The following HPSE2 variants were observed in gnomAD, a reference collection of about 807,000 sequenced individuals.
HPSE2 encodes the protein inactive heparanase-2.
HPSE2 carries 38 observed loss-of-function variants against 60.5 expected under a neutral mutation model. The observed-to-expected ratio is 0.63, with a 90% CI of 0.48 to 0.82. HPSE2 has a LOEUF of 0.82. Among genes scored for constraint, HPSE2 ranks in the 40% least tolerant of loss-of-function variants. The pLI is 0.00. For missense variants in HPSE2, 713 were observed against 740.4 expected (o/e 0.96, Z 0.43); for synonymous variants, 295 against 293.2 (o/e 1.01, Z -0.06).
chr10:98,729,295 G>A (rs1461480962), intron 4 of HPSE2, among the ~76,000 whole-genome samples: 3 of 152,042 alleles, frequency 2.0e-5, no homozygotes, highest in African/African-American at 7.2e-5. Context: ...CAGATTGAAG[G>A]TAAAATTTTT....
intron 3 of HPSE2, among the ~76,000 whole-genome samples, chr10:98,995,624 C>G (rs759168792): frequency 3.3e-5 from 5 of 152,066 alleles, no homozygotes; most frequent in Non-Finnish European, 5.9e-5. Context: ...ATTCTATTCA[C>G]TTCTACTTAT....
the HPSE2 span, among the ~76,000 whole-genome samples, chr10:99,290,731 C>A: frequency 6.6e-6 from 1 of 152,154 alleles, no homozygotes; most frequent in Admixed American, 6.5e-5. Flanking sequence ...ACAACAATTT[C>A]TCCAAGCCTC....
chr10:98,840,490 G>C (rs1324436098), intron 3 of HPSE2, among the ~76,000 whole-genome samples: 2 of 152,194 alleles, frequency 1.3e-5, no homozygotes, highest in Non-Finnish European at 2.9e-5. Context: ...TATTGCAGAA[G>C]AGAGATAATA....
intron 2 of HPSE2, among the ~76,000 whole-genome samples, chr10:99,205,221 G>A (rs1251057012): frequency 3.3e-5 from 5 of 152,138 alleles, no homozygotes; most frequent in South Asian, 4.2e-4. Context: ...AAAGAAGCAC[G>A]TGTAGCTCCC....
chr10:99,218,479 T>C (rs1849209186), intron 2 of HPSE2, among the ~76,000 whole-genome samples: 1 of 152,128 alleles, frequency 6.6e-6, no homozygotes, highest in African/African-American at 2.4e-5. Context: ...TTTCAATCGT[T>C]CTGTTCCACA....
At chr10:98,789,555 T>C (rs1168119673) in intron 3 of HPSE2, among the ~76,000 whole-genome samples, 1 of 152,208 alleles carries the variant, frequency 6.6e-6, no homozygotes, top group Admixed American at 6.5e-5. Context: ...TGTCCTGAAA[T>C]AGACCCAAAT....
chr10:98,789,562 A>T (rs1434213534), intron 3 of HPSE2, among the ~76,000 whole-genome samples: 4 of 152,220 alleles, frequency 2.6e-5, no homozygotes, highest in African/African-American at 9.6e-5. Flanking sequence ...AAATAGACCC[A>T]AATAGTTGGA....
intron 9 of HPSE2, among the ~76,000 whole-genome samples, chr10:98,570,291 A>C (rs1589436007): frequency 6.6e-6 from 1 of 152,088 alleles, no homozygotes. Context: ...TCCTCCTGCT[A>C]TCTGCATGGC....
chr10:98,501,126 T>C lies in HPSE2; in HGVS notation c.1321-10930A>G, dbSNP rs1283091101. ...AGAATTCTACCAGACACTCAAAGAA[T>C]TGGTACCAATTCTTTTGACACTATT... On this transcript the variant is annotated intron_variant, in intron 9 of 11. Coordinates refer to ENST00000370552, the MANE Select transcript of HPSE2 (RefSeq NM_021828.5). Among the ~76,000 whole-genome samples the C allele has an allele frequency of 2.6e-5, 4 of 151,672 alleles. No homozygotes were observed. In the East Asian group the frequency reaches 7.7e-4, roughly 29 times the overall value.
chr10:98,997,419 A>C (rs949077906), intron 3 of HPSE2, among the ~76,000 whole-genome samples: 1 of 152,026 alleles, frequency 6.6e-6, no homozygotes, highest in Non-Finnish European at 1.5e-5. Flanking sequence ...CCCAGCCAAA[A>C]CAGACCTTTC....
At chr10:98,485,733 G>T (rs1280443917) in intron 10 of HPSE2, among the ~76,000 whole-genome samples, 1 of 152,142 alleles carries the variant, frequency 6.6e-6, no homozygotes, top group Non-Finnish European at 1.5e-5. Flanking sequence ...CATGTGGATG[G>T]GTATCAATTT....
chr10:98,713,967 C>T, intron 5 of HPSE2, among the ~76,000 whole-genome samples: 1 of 151,760 alleles, frequency 6.6e-6, no homozygotes, highest in East Asian at 1.9e-4. Context: ...CCATTTCTAC[C>T]TTCTATTTCT....
chr10:99,224,695 G>A (rs1394420851), intron 2 of HPSE2, among the ~76,000 whole-genome samples: 6 of 152,036 alleles, frequency 3.9e-5, no homozygotes, highest in African/African-American at 7.2e-5. Flanking sequence ...TAGGGATTGC[G>A]AGACCAGGAG....
chr10:98,640,463 A>G lies in HPSE2; in HGVS notation c.1098+1384T>C, dbSNP rs1183927439. Among the ~76,000 whole-genome samples, 5 of 152,328 alleles carry G rather than the reference A, an allele frequency of 3.3e-5. No individual in the cohort carries two copies. The East Asian group carries it at 9.7e-4, about 29-fold the overall frequency. ...CTATCAAACTCTTGAGAACAAGAGA[A>G]TTCCAGAGGCTGTTTATAATCTGAG... is the stretch of plus-strand genomic sequence containing the variant. On this transcript the variant is annotated intron_variant, in intron 7 of 11. Transcript: ENST00000370552.
At chr10:99,176,827 A>G (rs914638198) in intron 2 of HPSE2, among the ~76,000 whole-genome samples, 53 of 152,124 alleles carry the variant, frequency 3.5e-4, no homozygotes, top group African/African-American at 1.3e-3. Flanking sequence ...GATCAGATTC[A>G]CCAAGGTTGA....
chr10:98,981,059 T>C (rs1383683258), intron 3 of HPSE2, among the ~76,000 whole-genome samples: 2 of 152,120 alleles, frequency 1.3e-5, no homozygotes, highest in Non-Finnish European at 2.9e-5. Flanking sequence ...ATGGCAACGT[T>C]CCAACATATT....
intron 9 of HPSE2, among the ~76,000 whole-genome samples, chr10:98,588,923 G>A (rs957897921): frequency 2.6e-5 from 4 of 152,110 alleles, no homozygotes; most frequent in African/African-American, 9.7e-5. Context: ...AAAATTACCA[G>A]AAAGAAAAAA....
At chr10:98,959,580 TGA>T (rs1171096707) in intron 3 of HPSE2, among the ~76,000 whole-genome samples, 7 of 152,168 alleles carry the variant, frequency 4.6e-5, no homozygotes, top group Non-Finnish European at 7.4e-5. Flanking sequence ...GATCTACATT[TGA>T]GAGGCTGTAT....
chr10:98,826,840 G>A (rs916104459), intron 3 of HPSE2, among the ~76,000 whole-genome samples: 1 of 152,122 alleles, frequency 6.6e-6, no homozygotes, highest in African/African-American at 2.4e-5. Flanking sequence ...GCTTTCACAA[G>A]CACTGCACAA....
Sources: allele counts gnomAD v4.1 joint callset (sites outside exome capture counted in the v4.1 genomes callset), GRCh38; gene constraint gnomAD v4.1.1; transcripts MANE v1.5; gene names NCBI Gene and HGNC (gene_info 2026-07-23, HGNC 2026-07-21).